PTK2: variants seen among roughly 807,000 people sequenced by gnomAD.
PTK2 encodes protein tyrosine kinase 2.
Under a neutral mutation model 150.1 loss-of-function variants are expected in PTK2, and 45 were observed. That is an observed-to-expected ratio of 0.30 (90% CI 0.24 to 0.38). The LOEUF (loss-of-function observed/expected upper bound fraction) is 0.38. PTK2 is among the 10% of genes least tolerant of loss of function. The pLI is 1.00. For synonymous variants in PTK2, 432 were observed against 449.2 expected (o/e 0.96, Z 0.48); for missense variants, 919 against 1,307.3 (o/e 0.70, Z 4.58).
chr8:140,983,986 C>T (rs2100192400), intron 1 of PTK2: 2 of 152,234 alleles, frequency 1.3e-5, no homozygotes, highest in Non-Finnish European at 2.9e-5. Flanking sequence ...AAAACCCCGT[C>T]TCTACTAAAA....
At chr8:140,912,280 G>C (rs2100163502) in intron 2 of PTK2, among the ~76,000 whole-genome samples, 1 of 148,330 alleles carries the variant, frequency 6.7e-6, no homozygotes, top group Non-Finnish European at 1.5e-5. Flanking sequence ...AAAAAAATCA[G>C]GATAATATGT....
intron 4 of PTK2, among the ~76,000 whole-genome samples, chr8:140,865,550 T>G (rs1168984814): frequency 6.6e-6 from 1 of 152,180 alleles, no homozygotes; most frequent in Non-Finnish European, 1.5e-5. Flanking sequence ...TTCAATGCAA[T>G]CTTTTGAGGA....
chr8:140,899,571 G>T (rs980450689), intron 2 of PTK2, among the ~76,000 whole-genome samples: 1 of 152,148 alleles, frequency 6.6e-6, no homozygotes, highest in Non-Finnish European at 1.5e-5. Flanking sequence ...AAATATTGAA[G>T]AGGGGAGAAT....
intron 10 of PTK2, among the ~76,000 whole-genome samples, chr8:140,817,789 C>T (rs889061897): frequency 1.3e-5 from 2 of 152,110 alleles, no homozygotes; most frequent in Non-Finnish European, 2.9e-5. Context: ...AGGAAGATAA[C>T]AAAAGAAGTG....
At chr8:140,941,668 A>C (rs1055912602) in intron 1 of PTK2, among the ~76,000 whole-genome samples, 1 of 152,138 alleles carries the variant, frequency 6.6e-6, no homozygotes, top group Non-Finnish European at 1.5e-5. Flanking sequence ...TGGCTGCTCC[A>C]CAGGACATCA....
At chr8:140,881,019 G>A (rs1462953732) in intron 3 of PTK2, among the ~76,000 whole-genome samples, 1 of 152,152 alleles carries the variant, frequency 6.6e-6, no homozygotes, top group Non-Finnish European at 1.5e-5. Flanking sequence ...TATCAAGAGA[G>A]AAAGCATCAA....
intron 1 of PTK2, among the ~76,000 whole-genome samples, chr8:140,975,456 C>T (rs1222038502): frequency 2.0e-5 from 3 of 152,170 alleles, no homozygotes; most frequent in Non-Finnish European, 2.9e-5. Flanking sequence ...CCTCTCACAC[C>T]TCCATGCCTT....
Position 140,820,104 on chromosome 8 carries a change from TTTTTTTTTTTTTTTA to T in PTK2, c.649-1099_649-1085del, listed in dbSNP as rs1471845947. 3.2e-3 allele frequency among the ~76,000 whole-genome samples: 250 copies of T among 78,582 alleles called. 7 individuals carry two copies. The highest frequency in any genetic ancestry group is 4.1e-3 in the South Asian group (9 of 2,176). The allele number at this position is 78,582 out of a possible 152,430, so 51.6% of individuals were successfully genotyped here. A position where few individuals can be genotyped will look rare whatever the true frequency, so the allele number is the denominator to read the frequency against. ...TTTTTTTTTTTTTTTTTTTTTTTTT[TTTTTTTTTTTTTTTA>T]AATAGGGTCTCACTCTGTCGCCCAG... is the stretch of plus-strand genomic sequence containing the variant. On this transcript the variant is annotated intron_variant, in intron 8 of 31. Coordinates refer to ENST00000522684, the Ensembl canonical transcript of PTK2.
At chr8:140,737,900 G>A (rs1009653027) in intron 21 of PTK2, among the ~76,000 whole-genome samples, 3 of 152,144 alleles carry the variant, frequency 2.0e-5, no homozygotes, top group South Asian at 2.1e-4. Flanking sequence ...CTGGACTTCA[G>A]AGCTTTTTCT....
intron 5 of PTK2, among the ~76,000 whole-genome samples, chr8:140,860,341 G>C (rs973743351): frequency 6.6e-6 from 1 of 152,110 alleles, no homozygotes; most frequent in African/African-American, 2.4e-5. Context: ...CCAATCATAG[G>C]GAACTGCCAA....
intron 8 of PTK2, chr8:140,820,998 G>C (rs1179879408): frequency 1.3e-5 from 2 of 152,232 alleles, no homozygotes; most frequent in Admixed American, 1.3e-4. Flanking sequence ...GTGGCTTGAA[G>C]GTCCTAGTAG....
intron 23 of PTK2, among the ~76,000 whole-genome samples, chr8:140,713,385 T>C (rs969557261): frequency 9.9e-5 from 15 of 152,218 alleles, no homozygotes; most frequent in East Asian, 1.9e-4. Flanking sequence ...CTCAGCCTCC[T>C]GGGTAGCTGG....
chr8:140,897,140 A>G (rs920652354), intron 2 of PTK2, among the ~76,000 whole-genome samples: 1 of 152,184 alleles, frequency 6.6e-6, no homozygotes, highest in African/African-American at 2.4e-5. Context: ...ATAAATACGG[A>G]GTATGTCGGG....
At chr8:140,833,952 T>C (rs1182564534) in intron 7 of PTK2, among the ~76,000 whole-genome samples, 6 of 152,210 alleles carry the variant, frequency 3.9e-5, no homozygotes, top group Non-Finnish European at 7.4e-5. Context: ...AACTGTGTTG[T>C]CCAATATACA....
At chr8:140,911,527 T>A (rs2100163149) in intron 2 of PTK2, among the ~76,000 whole-genome samples, 1 of 152,194 alleles carries the variant, frequency 6.6e-6, no homozygotes, top group Non-Finnish European at 1.5e-5. Context: ...AGTCTGATTT[T>A]AATAGTATAA....
At chr8:140,697,136 GGAAAAAAAAAAAAA>G (rs1032415973) in intron 26 of PTK2, among the ~76,000 whole-genome samples, 1 of 43,328 alleles carries the variant, frequency 2.3e-5, no homozygotes, top group African/African-American at 8.8e-5. Flanking sequence ...CCTGTTTCCG[GGAAAAAAAAAAAAA>G]AAAAAAAAAA....
intron 29 of PTK2, among the ~76,000 whole-genome samples, chr8:140,671,195 A>G (rs906997421): frequency 4.6e-5 from 7 of 152,196 alleles, no homozygotes; most frequent in Admixed American, 2.0e-4. Flanking sequence ...TGGATGAATT[A>G]TTTTAGTTAT....
chr8:140,687,964 A>T (rs1256864236), intron 26 of PTK2, among the ~76,000 whole-genome samples: 4 of 152,140 alleles, frequency 2.6e-5, no homozygotes, highest in African/African-American at 9.7e-5. Context: ...AGCTCCTACC[A>T]GGAAGTGGGT....
intron 14 of PTK2, among the ~76,000 whole-genome samples, chr8:140,771,777 AC>A (rs2100075631): frequency 6.7e-6 from 1 of 148,466 alleles, no homozygotes; most frequent in Non-Finnish European, 1.5e-5. Flanking sequence ...GATCCTATTA[AC>A]ATTTTTTTTT....
Sources: allele counts gnomAD v4.1 joint callset (sites outside exome capture counted in the v4.1 genomes callset), GRCh38; gene constraint gnomAD v4.1.1; transcripts MANE v1.5; gene names NCBI Gene and HGNC (gene_info 2026-07-23, HGNC 2026-07-21).